The following DCLK1 variants were observed in gnomAD, a reference collection of about 807,000 sequenced individuals.
DCLK1 encodes doublecortin like kinase 1, also known as serine/threonine-protein kinase DCLK1.
Under a neutral mutation model 86.2 loss-of-function variants are expected in DCLK1, and 16 were observed. The observed-to-expected ratio is 0.19, with a 90% confidence interval of 0.13 to 0.28. The LOEUF (loss-of-function observed/expected upper bound fraction) is 0.28, where lower values mean the gene tolerates loss of function less well. DCLK1 is among the 10% of genes least tolerant of loss of function. DCLK1 has a pLI of 1.00. For missense variants in DCLK1, 590 were observed against 940.2 expected (o/e 0.63, Z 4.87); for synonymous variants, 369 against 370.5 (o/e 1.00, Z 0.05).
intron 3 of DCLK1, among the ~76,000 whole-genome samples, chr13:35,980,466 G>T (rs566567557): frequency 6.6e-5 from 10 of 152,016 alleles, no homozygotes; most frequent in African/African-American, 2.4e-4. Context: ...AACAAAACAC[G>T]GACTCCGTGT....
chr13:35,921,253 T>A (rs1235908840), intron 4 of DCLK1, among the ~76,000 whole-genome samples: 1 of 152,158 alleles, frequency 6.6e-6, no homozygotes, highest in Non-Finnish European at 1.5e-5. Context: ...CTCTCCCTCC[T>A]TCTACTCTAG....
rs139139396 is a variant in DCLK1 at position 35,858,784 on chromosome 13, A to C, written c.941-4191T>G. On this transcript the variant is annotated intron_variant, in intron 5 of 16. Transcript: ENST00000360631. ...CGCCATCTCTAGAAAAATGAAACTC[A>C]AGTGCCAGACAAGTCATTTACAATC... Among the ~76,000 whole-genome samples, 381 of 152,348 alleles carry C rather than the reference A, an allele frequency of 2.5e-3. 1 individual carries two copies. The highest frequency in any genetic ancestry group is 8.7e-3 in the African/African-American group (363 of 41,588).
intron 3 of DCLK1, among the ~76,000 whole-genome samples, chr13:36,108,627 G>T (rs1885492907): frequency 6.6e-6 from 1 of 152,172 alleles, no homozygotes; most frequent in South Asian, 2.1e-4. Context: ...ACATCTGTAG[G>T]CTGCCCCAAG....
At chr13:35,849,165 CT>C in intron 6 of DCLK1, 1 of 985,228 alleles carries the variant, frequency 1.0e-6, no homozygotes, top group Non-Finnish European at 1.2e-6. Flanking sequence ...TCTTCTTCCT[CT>C]TCTTTTGGTT....
intron 4 of DCLK1, among the ~76,000 whole-genome samples, chr13:35,880,349 G>A (rs1872813468): frequency 6.6e-6 from 1 of 152,186 alleles, no homozygotes; most frequent in African/African-American, 2.4e-5. Flanking sequence ...GAACCCGAGT[G>A]TTGCAGAAGG....
At chr13:35,807,764 A>G (rs551647274) in intron 14 of DCLK1, among the ~76,000 whole-genome samples, 2 of 152,340 alleles carry the variant, frequency 1.3e-5, no homozygotes, top group South Asian at 4.1e-4. Flanking sequence ...ACAGGTGTTA[A>G]GTGTTCTGGA....
chr13:36,091,656 T>C (rs1039268903), intron 3 of DCLK1, among the ~76,000 whole-genome samples: 5 of 152,312 alleles, frequency 3.3e-5, no homozygotes, highest in Admixed American at 2.6e-4. Context: ...GGTATAAATA[T>C]ATGTGATATA....
At chr13:36,085,226 G>C (rs6563330) in intron 3 of DCLK1, among the ~76,000 whole-genome samples, 46,895 of 151,914 alleles carry the variant, frequency 0.31, 7,631 homozygotes, top group East Asian at 0.53. Flanking sequence ...TAACTTTAAT[G>C]TTTATATTTA....
intron 3 of DCLK1, among the ~76,000 whole-genome samples, chr13:36,017,185 T>G (rs2153149618): frequency 6.6e-6 from 1 of 152,316 alleles, no homozygotes; most frequent in African/African-American, 2.4e-5. Flanking sequence ...ATAGCAACTT[T>G]TAATACAGAA....
At chr13:35,812,715 T>G (rs551511824) in intron 11 of DCLK1, among the ~76,000 whole-genome samples, 1 of 152,222 alleles carries the variant, frequency 6.6e-6, no homozygotes, top group Non-Finnish European at 1.5e-5. Context: ...TCCACACTCA[T>G]AGCATGGAGT....
chr13:35,901,306 G>C (rs1055124833), intron 4 of DCLK1, among the ~76,000 whole-genome samples: 1 of 151,874 alleles, frequency 6.6e-6, no homozygotes, highest in Admixed American at 6.6e-5. Flanking sequence ...GGCCAACATG[G>C]TGAAATCCAA....
chr13:35,792,591 ACT>A (rs2086727839), intron 16 of DCLK1, among the ~76,000 whole-genome samples: 1 of 148,436 alleles, frequency 6.7e-6, no homozygotes. Flanking sequence ...AAATTTACAC[ACT>A]CTGAAAAAAA....
chr13:35,985,327 T>C (rs1340715473), intron 3 of DCLK1, among the ~76,000 whole-genome samples: 1 of 151,752 alleles, frequency 6.6e-6, no homozygotes, highest in Non-Finnish European at 1.5e-5. Context: ...CAATAGCAGG[T>C]GTGGCACTGG....
At chr13:35,808,162 T>G in intron 14 of DCLK1, 62 bp downstream of exon 14, 1 of 1,470,166 alleles carries the variant, frequency 6.8e-7, no homozygotes, top group Non-Finnish European at 9.5e-7. Flanking sequence ...CACAATGATT[T>G]GGAAAAATAA....
intron 16 of DCLK1, among the ~76,000 whole-genome samples, chr13:35,790,045 G>T (rs1000043052): frequency 1.3e-5 from 2 of 152,086 alleles, no homozygotes; most frequent in Non-Finnish European, 2.9e-5. Context: ...CTTCAGGAGG[G>T]TGTGTGATCC....
At chr13:35,938,910 A>G (rs1181910536) in intron 4 of DCLK1, among the ~76,000 whole-genome samples, 1 of 152,212 alleles carries the variant, frequency 6.6e-6, no homozygotes, top group Non-Finnish European at 1.5e-5. Context: ...GAGAAAATGT[A>G]AAGAAAAGAT....
chr13:36,006,547 G>A (rs1880965616), intron 3 of DCLK1, among the ~76,000 whole-genome samples: 1 of 152,208 alleles, frequency 6.6e-6, no homozygotes, highest in Admixed American at 6.5e-5. Context: ...AACCTGCTTT[G>A]CCACTTTCCA....
intron 3 of DCLK1, among the ~76,000 whole-genome samples, chr13:35,988,955 C>G (rs892778338): frequency 2.0e-5 from 3 of 152,118 alleles, no homozygotes; most frequent in Admixed American, 2.0e-4. Flanking sequence ...GACGCAAACT[C>G]CAGGATCTAA....
chr13:35,843,859 AT>A (rs1869992353), intron 6 of DCLK1, among the ~76,000 whole-genome samples: 1 of 152,242 alleles, frequency 6.6e-6, no homozygotes, highest in Non-Finnish European at 1.5e-5. Flanking sequence ...CAAGCAATAC[AT>A]TTTTAACAAA....
Sources: gnomAD v4.1 joint callset for allele counts (sites outside exome capture counted in the v4.1 genomes callset) on GRCh38, gnomAD v4.1.1 for gene constraint, MANE v1.5 for transcripts, NCBI Gene and HGNC (gene_info 2026-07-23, HGNC 2026-07-21) for gene names.